Variants in SLC38A6 observed in about 807,000 individuals in gnomAD.
SLC38A6 encodes the protein solute carrier family 38 member 6, also known as N system amino acid transporter NAT-1.
A neutral mutation model predicts 65.0 loss-of-function variants in SLC38A6; 73 were observed. The ratio of observed to expected loss-of-function variants is 1.12; its 90% CI spans 0.93 to 1.37. SLC38A6 has a LOEUF of 1.37. Ranked by LOEUF, SLC38A6 falls within the 40% of genes most tolerant of loss-of-function variation. SLC38A6 has a pLI of 0.00. For synonymous variants in SLC38A6, 183 were observed against 178.8 expected (o/e 1.02, Z -0.19); for missense variants, 561 against 531.1 (o/e 1.06, Z -0.55).
At position 61,046,129 on chromosome 14, in the gene SLC38A6, A is replaced by G. The variant is rs141088069; in HGVS notation, c.887A>G (p.Tyr296Cys). The G allele has an allele frequency of 3.7e-6, 6 of 1,610,578 alleles. No individual in the cohort carries two copies. Among genetic ancestry groups the G allele is most frequent in the Non-Finnish European group, 5.1e-6 (6 of 1,177,568 alleles). Reference protein sequence around the residue: ...NTAIALSFLIYFISALFGYLT... With the variant: ...NTAIALSFLICFISALFGYLT... The stretch of plus-strand genomic sequence containing the variant: ...GCAATTGCTTTAAGTTTTCTCATTT[A>G]TTTTATATCTGCACTCTTTGGGTAC... Residue 296 changes from tyrosine to cysteine, a missense_variant, in exon 12 of 16, where the codon TAT becomes TGT. Transcript: ENST00000267488.
intron 3 of SLC38A6, among the ~76,000 whole-genome samples, chr14:60,991,256 C>T (rs2037859648): frequency 6.6e-6 from 1 of 152,154 alleles, no homozygotes; most frequent in African/African-American, 2.4e-5. Flanking sequence ...CCCTTTTTAT[C>T]TCCTTGATTT....
chr14:60,982,737 T>G, intron 2 of SLC38A6, 99 bp downstream of exon 2: 2 of 1,321,390 alleles, frequency 1.5e-6, no homozygotes, highest in African/African-American at 1.5e-5. Flanking sequence ...ATACAATTTC[T>G]AGTTAGTTAT....
At chr14:61,061,417 A>T (rs2139911508) in intron 15 of SLC38A6, among the ~76,000 whole-genome samples, 1 of 152,230 alleles carries the variant, frequency 6.6e-6, no homozygotes, top group African/African-American at 2.4e-5. Context: ...TGTCTCTGTC[A>T]TGTTTTAGTA....
intron 3 of SLC38A6, among the ~76,000 whole-genome samples, chr14:61,002,730 AT>A (rs935783938): frequency 6.6e-6 from 1 of 152,160 alleles, no homozygotes; most frequent in African/African-American, 2.4e-5. Context: ...TTTACTTAAG[AT>A]TTATAGCCTT....
chr14:61,031,574 C>T (rs2040992829), intron 6 of SLC38A6, among the ~76,000 whole-genome samples: 1 of 152,056 alleles, frequency 6.6e-6, no homozygotes, highest in South Asian at 2.1e-4. Flanking sequence ...TTGTATGATA[C>T]TTTACAGTTA....
chr14:61,062,146 A>G (rs2042868972), intron 15 of SLC38A6, among the ~76,000 whole-genome samples: 1 of 152,134 alleles, frequency 6.6e-6, no homozygotes, highest in Non-Finnish European at 1.5e-5. Context: ...GTAGGTTTTT[A>G]TGTAGACATA....
intron 15 of SLC38A6, among the ~76,000 whole-genome samples, chr14:61,070,166 C>T (rs1017084574): frequency 3.3e-5 from 5 of 152,152 alleles, no homozygotes; most frequent in African/African-American, 4.8e-5. Context: ...CTTTTTCATC[C>T]GGCATGACTA....
intron 15 of SLC38A6, among the ~76,000 whole-genome samples, chr14:61,063,173 T>A (rs1566724122): frequency 6.6e-6 from 1 of 152,226 alleles, no homozygotes; most frequent in South Asian, 2.1e-4. Flanking sequence ...TTCTTAGCTA[T>A]GTTTTAATTT....
chr14:61,055,947 C>T (rs2042697651), downstream of SLC38A6, among the ~76,000 whole-genome samples: 1 of 17,794 alleles, frequency 5.6e-5, no homozygotes, highest in African/African-American at 1.3e-4. Context: ...TGTCCTTCGC[C>T]CACTTTTTGA....
chr14:61,046,101 A>C lies in SLC38A6; in HGVS notation c.859A>C (p.Thr287Pro), dbSNP rs1221259425. Reference sequence around the variant, plus strand: ...GAAAAGAATGCAGAATGTTACCAATACAGCAATTGCTTTAAGTTTTCTCAT... The same window carrying C: ...GAAAAGAATGCAGAATGTTACCAATCCAGCAATTGCTTTAAGTTTTCTCAT... ...SKKRMQNVTN[T>P]AIALSFLIYF... Residue 287 changes from threonine to proline, a missense_variant, in exon 12 of 16, where the codon ACA (threonine) becomes CCA (proline). Thr to Pro is a conservative substitution (Grantham distance 38). Transcript: ENST00000267488. 8 of 1,611,564 alleles carry C rather than the reference A, an allele frequency of 5.0e-6. No homozygotes were observed. The highest frequency in any genetic ancestry group is 6.8e-6 in the Non-Finnish European group (8 of 1,178,360).
At chr14:61,010,390 C>T (rs1052242527) in intron 3 of SLC38A6, among the ~76,000 whole-genome samples, 13 of 152,106 alleles carry the variant, frequency 8.5e-5, no homozygotes, top group South Asian at 2.1e-4. Flanking sequence ...TAATTAGATC[C>T]CATTTGTCAA....
chr14:61,043,531 A>C (rs377124046), intron 10 of SLC38A6, 28 bp downstream of exon 10: 1 of 1,549,598 alleles, frequency 6.5e-7, no homozygotes, highest in Non-Finnish European at 8.8e-7. Flanking sequence ...AGATACTTTT[A>C]GTTGATTTTT....
chr14:61,068,379 T>C (rs1173477868), intron 15 of SLC38A6, among the ~76,000 whole-genome samples: 1 of 152,174 alleles, frequency 6.6e-6, no homozygotes, highest in Non-Finnish European at 1.5e-5. Flanking sequence ...GCTTTCCATC[T>C]CACTTAGAAT....
In SLC38A6 at chr14:61,045,367, A is replaced by T; in HGVS notation, c.766A>T (p.Met256Leu). 1 of 1,613,696 alleles carries T rather than the reference A, an allele frequency of 6.2e-7. No homozygotes were observed. Among genetic ancestry groups the T allele is most frequent in the Non-Finnish European group, 8.5e-7 (1 of 1,179,792 alleles). The change falls in exon 11 of 16, where the codon ATG becomes TTG. Residue 256 changes from methionine to leucine, a missense_variant. Transcript: ENST00000267488. ...SKESAYALPT[M>L]AFSFLCHTSI... ...TCAGAGTGCTTATGCCTTACCAACCATGGCTTTTTCATTTCTCTGCCATAC... is the reference window on the plus strand; with the variant it reads ...TCAGAGTGCTTATGCCTTACCAACCTTGGCTTTTTCATTTCTCTGCCATAC...
chr14:61,002,701 G>C (rs142704441), intron 3 of SLC38A6, among the ~76,000 whole-genome samples: 286 of 152,224 alleles, frequency 1.9e-3, no homozygotes, highest in African/African-American at 6.7e-3. Context: ...GGTACATTAA[G>C]GAAGAAATTT....
chr14:60,999,193 G>C (rs1328106194), intron 3 of SLC38A6, among the ~76,000 whole-genome samples: 3 of 152,180 alleles, frequency 2.0e-5, no homozygotes, highest in Non-Finnish European at 4.4e-5. Flanking sequence ...AAGAGTCAAA[G>C]TAGATACTGG....
chr14:61,071,702 A>C (rs1446988262), intron 15 of SLC38A6, among the ~76,000 whole-genome samples: 1 of 152,002 alleles, frequency 6.6e-6, no homozygotes, highest in Non-Finnish European at 1.5e-5. Context: ...AAAAGGAAAA[A>C]AGAAGATATA....
At chr14:60,988,634 AC>A (rs904485972) in intron 3 of SLC38A6, among the ~76,000 whole-genome samples, 1 of 152,022 alleles carries the variant, frequency 6.6e-6, no homozygotes, top group African/African-American at 2.4e-5. Context: ...TTTCTAACTC[AC>A]CCTCTCAAGT....
intron 5 of SLC38A6, among the ~76,000 whole-genome samples, chr14:61,023,971 G>A (rs995712078): frequency 6.6e-6 from 1 of 152,126 alleles, no homozygotes; most frequent in Non-Finnish European, 1.5e-5. Context: ...GGACTAAGAG[G>A]GGAGAGGGGG....
Sources: gnomAD v4.1 joint callset for allele counts (sites outside exome capture counted in the v4.1 genomes callset) on GRCh38, gnomAD v4.1.1 for gene constraint, MANE v1.5 for transcripts, NCBI Gene and HGNC (gene_info 2026-07-23, HGNC 2026-07-21) for gene names.